TLE1: variants seen among roughly 807,000 people sequenced by gnomAD.
The protein encoded by TLE1 is TLE family member 1, transcriptional corepressor, also known as transducin-like enhancer protein 1.
A neutral mutation model predicts 89.8 loss-of-function variants in TLE1; 21 were observed. That is an observed-to-expected ratio of 0.23 (90% CI 0.17 to 0.34). The LOEUF is 0.34. Among genes scored for constraint, TLE1 ranks in the 10% least tolerant of loss-of-function variants. TLE1 has a pLI of 1.00. For missense variants in TLE1, 795 were observed against 1,031.2 expected, an observed-to-expected ratio of 0.77 and a Z score of 3.14; for synonymous variants, 447 against 407.6, an observed-to-expected ratio of 1.10 and a Z score of -1.16.
chr9:81,619,728 A>G (rs1355654861), intron 9 of TLE1, among the ~76,000 whole-genome samples: 1 of 152,228 alleles, frequency 6.6e-6, no homozygotes, highest in Non-Finnish European at 1.5e-5. Context: ...TGCAATGTTT[A>G]TAACCCTGAG....
chr9:81,671,555 G>C (rs984376886), intron 4 of TLE1, among the ~76,000 whole-genome samples: 4 of 151,842 alleles, frequency 2.6e-5, no homozygotes, highest in Admixed American at 6.6e-5. Flanking sequence ...CAAGGCAGGA[G>C]AATCGCTTGA....
At chr9:81,673,792 G>A (rs561022829) in intron 4 of TLE1, among the ~76,000 whole-genome samples, 47 of 152,184 alleles carry the variant, frequency 3.1e-4, no homozygotes, top group Admixed American at 3.1e-3. Flanking sequence ...GTTGTCATTG[G>A]AAAAGCTTAC....
At chr9:81,602,205 C>T (rs906547919) in intron 14 of TLE1, among the ~76,000 whole-genome samples, 1 of 152,122 alleles carries the variant, frequency 6.6e-6, no homozygotes. Flanking sequence ...GGAACAGAGG[C>T]TCATCCCATT....
chr9:81,625,911 T>TAAAAAAAAAAAAAAAAAAAAA (rs35467275), intron 8 of TLE1, among the ~76,000 whole-genome samples: 12 of 87,832 alleles, frequency 1.4e-4, no homozygotes, highest in African/African-American at 5.4e-4. Flanking sequence ...CAGAAACTAC[T>TAAAAAAAAAAAAAAAAAAAAA]AAAAAAAAAA....
At chr9:81,641,921 T>C (rs1471887048) in intron 6 of TLE1, among the ~76,000 whole-genome samples, 12 of 151,878 alleles carry the variant, frequency 7.9e-5, no homozygotes, top group African/African-American at 2.7e-4. Context: ...ACTCAGGAGG[T>C]TGAGGCAGGA....
At chr9:81,589,915 G>GC (rs1246802841) in intron 16 of TLE1, among the ~76,000 whole-genome samples, 1 of 152,040 alleles carries the variant, frequency 6.6e-6, no homozygotes, top group Non-Finnish European at 1.5e-5. Flanking sequence ...ACCGGGCCCG[G>GC]CTCAATGACA....
chr9:81,597,413 G>C (rs1830373323), intron 14 of TLE1, among the ~76,000 whole-genome samples: 1 of 152,152 alleles, frequency 6.6e-6, no homozygotes. Flanking sequence ...GCAGTGATGA[G>C]GCAACAAAAA....
At chr9:81,647,060 A>G (rs1423246103) in intron 6 of TLE1, among the ~76,000 whole-genome samples, 3 of 152,016 alleles carry the variant, frequency 2.0e-5, no homozygotes, top group Non-Finnish European at 2.9e-5. Context: ...TGCATAGGTT[A>G]TATGTAAACA....
chr9:81,605,784 T>C (rs1202310972), intron 14 of TLE1, among the ~76,000 whole-genome samples: 1 of 149,198 alleles, frequency 6.7e-6, no homozygotes, highest in Non-Finnish European at 1.5e-5. Flanking sequence ...CTAATTAAAC[T>C]AAAGAGTTTC....
chr9:81,689,255 A>C lies in TLE1; in HGVS notation c.-1015T>G, dbSNP rs995624649. ...GGACGACATCCACGAGATGGTGGGG[A>C]AAACAGCAGGAGTGCGCTCCGCCAA... is the stretch of plus-strand genomic sequence containing the variant. On this transcript the variant is annotated 5_prime_UTR_variant, in exon 1 of 20. Transcript: ENST00000376499. 9.8e-5 allele frequency: 15 copies of C among 152,312 alleles called. No individual in the cohort carries two copies. Among genetic ancestry groups the C allele is most frequent in the African/African-American group, 3.6e-4 (15 of 41,436 alleles). 9.4% of individuals were successfully genotyped at this position (152,312 alleles called of 1,614,324 possible). A position where few individuals can be genotyped will look rare whatever the true frequency, so the allele number is the denominator to read the frequency against.
chr9:81,586,923 C>T (rs1277312152), intron 17 of TLE1, among the ~76,000 whole-genome samples: 1 of 152,132 alleles, frequency 6.6e-6, no homozygotes, highest in Non-Finnish European at 1.5e-5. Flanking sequence ...CTGTTTCTGT[C>T]CTAGTTTTCT....
At position 81,584,462 on chromosome 9, in the gene TLE1, C is replaced by A. The variant is rs1484967793; in HGVS notation, c.2191G>T (p.Ala731Ser). 1.2e-6 allele frequency: 2 copies of A among 1,614,018 alleles called. No individual in the cohort carries two copies. Among genetic ancestry groups the A allele is most frequent in the Non-Finnish European group, 1.7e-6 (2 of 1,180,022 alleles). ...TACTTACTCACCTGGAATATGCTGG[C>A]TCCATAGGGGGTCCGCCAAGCATTG... ...LLNAWRTPYG[A>S]SIFQSKESSS... Residue 731 changes from alanine to serine, a missense_variant, in exon 19 of 20, where the codon GCC (alanine) becomes TCC (serine). By Grantham distance (99) the Ala-to-Ser change is moderately conservative (BLOSUM62 1). Coordinates refer to ENST00000376499, the MANE Select transcript of TLE1 (RefSeq NM_005077.5).
chr9:81,585,383 A>G, intron 18 of TLE1, 122 bp downstream of exon 18: 1 of 1,257,622 alleles, frequency 8.0e-7, no homozygotes, highest in South Asian at 1.5e-5. Flanking sequence ...AAACAATAGA[A>G]TTATTGCATC....
chr9:81,636,510 G>A (rs1462049930), intron 6 of TLE1, among the ~76,000 whole-genome samples: 2 of 152,014 alleles, frequency 1.3e-5, no homozygotes, highest in African/African-American at 2.4e-5. Context: ...ATTAAGCACG[G>A]CACTAATTAA....
Position 81,611,900 on chromosome 9 carries a change from C to A in TLE1, c.1123G>T (p.Val375Phe), listed in dbSNP as rs777546185. ...PGPYPAPFGM[V>F]PHAGMNGELT... ...TCGCCGTTCATGCCAGCGTGGGGGA[C>A]CATCCCAAAAGGAGCAGGATATGGG... Residue 375 changes from valine (V) to phenylalanine (F), a missense_variant, in exon 13 of 20, where the codon GTC (valine) becomes TTC (phenylalanine). Around this residue, in one of 4 missense-constraint regions of TLE1, gnomAD observed 468 missense variants for 509.1 expected, o/e 0.92. Transcript: ENST00000376499. 5.3e-5 allele frequency: 81 copies of A among 1,533,342 alleles called. No homozygotes were observed. The highest frequency in any genetic ancestry group is 7.4e-5 in the South Asian group (6 of 80,834). 95.0% of individuals were successfully genotyped at this position (1,533,342 alleles called of 1,614,324 possible). A position where few individuals can be genotyped will look rare whatever the true frequency, so the allele number is the denominator to read the frequency against.
At chr9:81,633,273 T>C (rs576597268) in intron 8 of TLE1, 75 bp downstream of exon 8, 26 of 1,464,566 alleles carry the variant, frequency 1.8e-5, no homozygotes, top group Non-Finnish European at 2.3e-5. Context: ...TGGAGAAGTG[T>C]TGTCAGAAGG....
intron 1 of TLE1, 34 bp downstream of exon 1, chr9:81,688,183 C>G: frequency 1.9e-6 from 3 of 1,600,966 alleles, no homozygotes; most frequent in Non-Finnish European, 2.6e-6. Context: ...CCCCAACGAT[C>G]CTGGCCCCCC....
chr9:81,609,109 G>C (rs958079067), intron 14 of TLE1, among the ~76,000 whole-genome samples: 2 of 151,132 alleles, frequency 1.3e-5, no homozygotes, highest in African/African-American at 4.9e-5. Context: ...TTTTGAGACA[G>C]AGTCTCCTTC....
chr9:81,687,275 TG>T (rs1371489742), intron 2 of TLE1, 58 bp downstream of exon 2: 6 of 1,447,408 alleles, frequency 4.1e-6, no homozygotes, highest in African/African-American at 1.4e-5. Context: ...GCCACCCGGC[TG>T]GGTGCAAGGG....
Sources: gnomAD v4.1 joint callset for allele counts (sites outside exome capture counted in the v4.1 genomes callset) on GRCh38, gnomAD v4.1.1 for gene constraint, gnomAD v4.1.1 regional missense constraint, MANE v1.5 for transcripts, NCBI Gene and HGNC (gene_info 2026-07-23, HGNC 2026-07-21) for gene names.